Variants in DOCK2 observed in about 807,000 individuals in gnomAD.
DOCK2 encodes the protein dedicator of cytokinesis protein 2.
Under a neutral mutation model 248.9 loss-of-function variants are expected in DOCK2, and 87 were observed. That is an observed-to-expected ratio of 0.35 (90% CI 0.29 to 0.42). The LOEUF is 0.42. DOCK2 is among the 10% of genes least tolerant of loss of function. The pLI, the probability that DOCK2 is intolerant of heterozygous loss-of-function variation, is 1.00. For missense variants in DOCK2, 1,747 were observed against 2,300.2 expected, an observed-to-expected ratio of 0.76 and a Z score of 4.92; for synonymous variants, 805 against 821.6, an observed-to-expected ratio of 0.98 and a Z score of 0.35.
At chr5:169,907,998 C>T (rs1322787751) in intron 27 of DOCK2, among the ~76,000 whole-genome samples, 2 of 152,200 alleles carry the variant, frequency 1.3e-5, no homozygotes, top group Admixed American at 6.5e-5. Flanking sequence ...GAAGTGTTGT[C>T]TTTATCTCCT....
At chr5:169,928,362 C>T (rs1267370271) in intron 27 of DOCK2, among the ~76,000 whole-genome samples, 2 of 152,256 alleles carry the variant, frequency 1.3e-5, no homozygotes, top group South Asian at 2.1e-4. Flanking sequence ...CCTATCTCCA[C>T]CTGAATGAAC....
chr5:169,947,253 C>T lies in DOCK2; in HGVS notation c.2800-35815C>T, dbSNP rs59205843. ...CTGTACATTATACAGTCACTGCAAACTCACTTGAATGTATTAACAAAATGT... is the reference window on the plus strand; with the variant it reads ...CTGTACATTATACAGTCACTGCAAATTCACTTGAATGTATTAACAAAATGT... On this transcript the variant is annotated intron_variant, in intron 27 of 51. Coordinates refer to ENST00000520908, the MANE Select transcript of DOCK2 (RefSeq NM_004946.3). 3.7e-3 allele frequency among the ~76,000 whole-genome samples: 565 copies of T among 152,332 alleles called. 3 individuals carry two copies. Among genetic ancestry groups the T allele is most frequent in the African/African-American group, 0.013 (546 of 41,562 alleles).
chr5:169,718,594 T>A (rs184937366), intron 21 of DOCK2, 63 bp from the exon 22 acceptor site: 1 of 1,567,876 alleles, frequency 6.4e-7, no homozygotes, highest in East Asian at 2.3e-5. Flanking sequence ...CCTTATAATT[T>A]ACTGAGCAAA....
At position 169,684,357 on chromosome 5, in the gene DOCK2, G is replaced by T. The variant is rs771128747; in HGVS notation, c.761+7G>T. 14 of 1,613,528 alleles carry T rather than the reference G, an allele frequency of 8.7e-6. No individual in the cohort carries two copies. Among genetic ancestry groups the T allele is most frequent in the Non-Finnish European group, 1.2e-5 (14 of 1,179,484 alleles). On this transcript the variant is annotated splice_region_variant and intron_variant, in intron 8 of 51. Coordinates refer to ENST00000520908, the MANE Select transcript of DOCK2 (RefSeq NM_004946.3). ...ACAAGCAAACGGTCATAAGGTAGGTGTGTCCAGGGTTGCCCTACTTCTCTG... is the reference window on the plus strand; with the variant it reads ...ACAAGCAAACGGTCATAAGGTAGGTTTGTCCAGGGTTGCCCTACTTCTCTG...
At chr5:169,992,080 A>C (rs1263894544) in intron 29 of DOCK2, among the ~76,000 whole-genome samples, 1 of 152,222 alleles carries the variant, frequency 6.6e-6, no homozygotes, top group African/African-American at 2.4e-5. Flanking sequence ...AAATACCTAG[A>C]TTCTGCAGGC....
chr5:169,791,136 A>ACTCATTCATCTAACACTTACTAAGATC (rs1301440667), intron 25 of DOCK2, among the ~76,000 whole-genome samples: 3 of 152,060 alleles, frequency 2.0e-5, no homozygotes, highest in Non-Finnish European at 2.9e-5. Flanking sequence ...GCAAACACTC[A>ACTCATTCATCTAACACTTACTAAGATC]CTCATTCATC....
Position 170,081,956 on chromosome 5 carries a change from A to G in DOCK2, c.5402A>G (p.Lys1801Arg), listed in dbSNP as rs143896166. The G allele has an allele frequency of 2.8e-5, 46 of 1,614,158 alleles. No homozygotes were observed. The African/African-American group carries it at 3.5e-4, about 12-fold the overall frequency. Residue 1801 changes from lysine (K) to arginine (R), a missense_variant, in exon 51 of 52, where the codon AAG becomes AGG. Coordinates refer to ENST00000520908, the MANE Select transcript of DOCK2 (RefSeq NM_004946.3). ...SDGDKKTLTR[K>R]KVNQFFKTML... ...GGTGACAAGAAGACACTCACACGGA[A>G]GAAGGTCAATCAGTTCTTCAAGACA... is the stretch of plus-strand genomic sequence containing the variant.
chr5:169,804,036 A>G (rs1470958645), intron 26 of DOCK2, among the ~76,000 whole-genome samples: 1 of 152,144 alleles, frequency 6.6e-6, no homozygotes, highest in African/African-American at 2.4e-5. Flanking sequence ...CAAACAACCA[A>G]TACATTTTTT....
intron 14 of DOCK2, among the ~76,000 whole-genome samples, chr5:169,707,091 T>C (rs1206366977): frequency 1.3e-5 from 2 of 152,206 alleles, no homozygotes; most frequent in African/African-American, 2.4e-5. Flanking sequence ...AATTTGAGGA[T>C]TGAAAATTGT....
At chr5:169,784,387 G>T (rs1359100321) in intron 25 of DOCK2, among the ~76,000 whole-genome samples, 1 of 152,198 alleles carries the variant, frequency 6.6e-6, no homozygotes, top group Non-Finnish European at 1.5e-5. Context: ...CCAGGAAAGT[G>T]TGGTTCTGAG....
At chr5:169,674,480 C>G (rs780712308) in intron 6 of DOCK2, 35 bp downstream of exon 6, 1 of 1,609,656 alleles carries the variant, frequency 6.2e-7, no homozygotes, top group Non-Finnish European at 8.5e-7. Context: ...AGGTTTTCTT[C>G]CCCCAGCCAT....
At chr5:169,722,791 A>C (rs1035853842) in intron 22 of DOCK2, among the ~76,000 whole-genome samples, 1 of 152,246 alleles carries the variant, frequency 6.6e-6, no homozygotes, top group Non-Finnish European at 1.5e-5. Flanking sequence ...TAAATTATTA[A>C]GAAGAAATTC....
chr5:169,854,722 A>C (rs755422826), intron 27 of DOCK2, among the ~76,000 whole-genome samples: 1 of 152,244 alleles, frequency 6.6e-6, no homozygotes, highest in Non-Finnish European at 1.5e-5. Flanking sequence ...CAATTCATTC[A>C]ATAAACATAT....
chr5:169,992,220 C>G (rs1199321743), intron 29 of DOCK2, among the ~76,000 whole-genome samples: 1 of 152,160 alleles, frequency 6.6e-6, no homozygotes, highest in Non-Finnish European at 1.5e-5. Context: ...AAAACAAAAG[C>G]AACAGAGGAA....
chr5:169,835,453 C>T (rs1263943971), intron 26 of DOCK2, among the ~76,000 whole-genome samples: 2 of 151,928 alleles, frequency 1.3e-5, no homozygotes, highest in Non-Finnish European at 2.9e-5. Context: ...CGGGGTTTCA[C>T]CATGTTGGCC....
intron 27 of DOCK2, among the ~76,000 whole-genome samples, chr5:169,941,342 G>T (rs1169040722): frequency 6.6e-6 from 1 of 152,146 alleles, no homozygotes; most frequent in Non-Finnish European, 1.5e-5. Context: ...CAAGTAGCTG[G>T]GATTACAGGC....
chr5:169,778,706 T>A (rs1668949180), intron 25 of DOCK2, among the ~76,000 whole-genome samples: 1 of 152,220 alleles, frequency 6.6e-6, no homozygotes, highest in Admixed American at 6.5e-5. Flanking sequence ...GTGTTTGAGC[T>A]GAAAGGAATG....
At chr5:169,718,561 C>G in intron 21 of DOCK2, 96 bp from the exon 22 acceptor site, 1 of 1,371,168 alleles carries the variant, frequency 7.3e-7, no homozygotes, top group Non-Finnish European at 9.7e-7. Context: ...GCTCTACTAC[C>G]ACCTTTAACC....
At chr5:169,976,151 C>T (rs935927244) in intron 27 of DOCK2, among the ~76,000 whole-genome samples, 3 of 152,170 alleles carry the variant, frequency 2.0e-5, no homozygotes, top group African/African-American at 7.2e-5. Context: ...TTATTGAACC[C>T]ATGCAATATG....
Sources: gnomAD v4.1 joint callset for allele counts (sites outside exome capture counted in the v4.1 genomes callset) on GRCh38, gnomAD v4.1.1 for gene constraint, MANE v1.5 for transcripts, NCBI Gene and HGNC (gene_info 2026-07-23, HGNC 2026-07-21) for gene names.